AOAH: variants seen among roughly 807,000 people sequenced by gnomAD.
AOAH encodes the protein acyloxyacyl hydrolase.
Under a neutral mutation model 92.2 loss-of-function variants are expected in AOAH, and 64 were observed. The observed-to-expected ratio is 0.69, with a 90% confidence interval of 0.57 to 0.86. The LOEUF (loss-of-function observed/expected upper bound fraction) is 0.86, where lower values mean the gene tolerates loss of function less well. AOAH is among the 40% of genes least tolerant of loss of function. The probability of loss-of-function intolerance (pLI) is 0.00; values close to 1 mark genes in which losing one functional copy is unlikely to be tolerated. For synonymous variants in AOAH, 263 were observed against 254.5 expected, an observed-to-expected ratio of 1.03 and a Z score of -0.32; for missense variants, 656 against 694.6, an observed-to-expected ratio of 0.94 and a Z score of 0.62.
intron 13 of AOAH, among the ~76,000 whole-genome samples, chr7:36,557,561 A>G (rs1170751235): frequency 1.3e-5 from 2 of 152,138 alleles, no homozygotes; most frequent in Non-Finnish European, 2.9e-5. Flanking sequence ...GTTCTCCTGG[A>G]TAATATCCTG....
chr7:36,622,344 T>C lies in AOAH; in HGVS notation c.583-564A>G, dbSNP rs561847211. Among the ~76,000 whole-genome samples the C allele has an allele frequency of 2.6e-5, 4 of 152,328 alleles. No homozygotes were observed. In the East Asian group the frequency reaches 7.7e-4, roughly 29 times the overall value. The stretch of plus-strand genomic sequence containing the variant: ...CCAAATGATTAATTTCATTGGATAA[T>C]TTAAAAGTCTCTAGCCAAATGGTTA... On this transcript the variant is annotated intron_variant, in intron 7 of 20. Transcript: ENST00000617537.
At chr7:36,623,149 G>T in intron 7 of AOAH, 41 bp downstream of exon 7, 1 of 1,494,898 alleles carries the variant, frequency 6.7e-7, no homozygotes, top group Non-Finnish European at 9.3e-7. Flanking sequence ...AGGAAGCAAT[G>T]TGATGTTAGT....
intron 3 of AOAH, among the ~76,000 whole-genome samples, 196 bp from the exon 4 acceptor site, chr7:36,659,461 A>G (rs563770213): frequency 4.4e-4 from 67 of 152,336 alleles, no homozygotes; most frequent in Non-Finnish European, 3.8e-4. Context: ...TCCTGCATTT[A>G]GAATGAGGTC....
chr7:36,676,183 T>G (rs1796246641), intron 2 of AOAH, among the ~76,000 whole-genome samples: 1 of 152,226 alleles, frequency 6.6e-6, no homozygotes, highest in Non-Finnish European at 1.5e-5. Flanking sequence ...GACTATCTTG[T>G]GGCTGATATG....
At chr7:36,635,797 A>G (rs1327369336) in intron 5 of AOAH, among the ~76,000 whole-genome samples, 4 of 152,222 alleles carry the variant, frequency 2.6e-5, no homozygotes, top group Non-Finnish European at 5.9e-5. Context: ...TGGGGTGAGC[A>G]CATAACTTAA....
At chr7:36,671,534 G>A (rs1196376618) in intron 3 of AOAH, among the ~76,000 whole-genome samples, 1 of 152,170 alleles carries the variant, frequency 6.6e-6, no homozygotes, top group Non-Finnish European at 1.5e-5. Context: ...CTTGCACAGG[G>A]TATTAGGAAA....
At chr7:36,693,710 A>G (rs1797544742) in intron 1 of AOAH, among the ~76,000 whole-genome samples, 1 of 152,204 alleles carries the variant, frequency 6.6e-6, no homozygotes, top group Non-Finnish European at 1.5e-5. Context: ...TTGATAAACT[A>G]TTATTAGGCG....
intron 20 of AOAH, among the ~76,000 whole-genome samples, chr7:36,521,765 GC>G (rs1352123698): frequency 1.3e-5 from 2 of 151,450 alleles, no homozygotes; most frequent in African/African-American, 4.9e-5. Flanking sequence ...GCACAGAGCT[GC>G]CCTTCTGGCA....
At chr7:36,678,590 TGTGTGTGTGTGCGCGCGC>T (rs1796424112) in intron 2 of AOAH, among the ~76,000 whole-genome samples, 1 of 93,384 alleles carries the variant, frequency 1.1e-5, no homozygotes, top group African/African-American at 5.6e-5. Context: ...TGTGTGTGTG[TGTGTGTGTGTGCGCGCGC>T]GCGCGCGTTA....
chr7:36,652,336 G>A (rs187608315), intron 4 of AOAH, among the ~76,000 whole-genome samples: 57 of 152,268 alleles, frequency 3.7e-4, no homozygotes, highest in Admixed American at 9.2e-4. Flanking sequence ...TATAAAATAC[G>A]TATACATGAA....
intron 14 of AOAH, among the ~76,000 whole-genome samples, chr7:36,549,116 G>A (rs534752587): frequency 1.3e-3 from 193 of 152,252 alleles, no homozygotes; most frequent in African/African-American, 4.5e-3. Context: ...AGGACACCTC[G>A]AGCCTTGCTT....
chr7:36,609,427 C>T (rs547518683), intron 11 of AOAH, among the ~76,000 whole-genome samples: 1 of 152,154 alleles, frequency 6.6e-6, no homozygotes, highest in Non-Finnish European at 1.5e-5. Context: ...TAAACTCCAG[C>T]CCTTTGAGAT....
chr7:36,526,298 G>GA (rs1364243147), intron 19 of AOAH, among the ~76,000 whole-genome samples: 2 of 152,178 alleles, frequency 1.3e-5, no homozygotes, highest in African/African-American at 4.8e-5. Context: ...GTCTGTGAGG[G>GA]ATATGGGTCA....
At chr7:36,579,171 A>C (rs892177412) in intron 12 of AOAH, among the ~76,000 whole-genome samples, 7 of 152,070 alleles carry the variant, frequency 4.6e-5, no homozygotes, top group Non-Finnish European at 8.8e-5. Context: ...ACTGCTTAAA[A>C]AAAAAATGGC....
At chr7:36,540,540 T>C in intron 15 of AOAH, 49 bp from the exon 16 acceptor site, 3 of 1,521,720 alleles carry the variant, frequency 2.0e-6, no homozygotes, top group Non-Finnish European at 2.7e-6. Context: ...TAAGGATAGA[T>C]GCATGCAAGT....
chr7:36,688,882 G>T (rs967829849), intron 1 of AOAH, among the ~76,000 whole-genome samples: 4 of 151,326 alleles, frequency 2.6e-5, no homozygotes, highest in Non-Finnish European at 4.4e-5. Context: ...CATGTATATG[G>T]GTATACTTGT....
At chr7:36,545,599 T>G (rs1274971377) in intron 15 of AOAH, among the ~76,000 whole-genome samples, 1 of 152,148 alleles carries the variant, frequency 6.6e-6, no homozygotes, top group Non-Finnish European at 1.5e-5. Context: ...ACAGACACCC[T>G]GTGTGGGTGG....
chr7:36,625,239 TTTGAA>T (rs1792567393), intron 6 of AOAH, among the ~76,000 whole-genome samples: 1 of 152,182 alleles, frequency 6.6e-6, no homozygotes, highest in African/African-American at 2.4e-5. Flanking sequence ...GAATTATCCT[TTTGAA>T]TTCAAGTGCT....
At chr7:36,615,285 AT>A (rs61081151) in intron 11 of AOAH, among the ~76,000 whole-genome samples, 60,556 of 152,034 alleles carry the variant, frequency 0.4, 12,447 homozygotes, top group Non-Finnish European at 0.46. Flanking sequence ...TTAAAAATTT[AT>A]TTTTTTAGAA....
Sources: allele counts gnomAD v4.1 joint callset (sites outside exome capture counted in the v4.1 genomes callset), GRCh38; gene constraint gnomAD v4.1.1; transcripts MANE v1.5; gene names NCBI Gene and HGNC (gene_info 2026-07-23, HGNC 2026-07-21).